GLCCI1: variants seen among roughly 807,000 people sequenced by gnomAD.
GLCCI1 encodes the protein glucocorticoid induced 1.
In GLCCI1, 24 loss-of-function variants were observed where a neutral mutation model predicts 52.2. The ratio of observed to expected loss-of-function variants is 0.46; its 90% CI spans 0.33 to 0.65. The LOEUF is 0.65. GLCCI1 is among the 30% of genes least tolerant of loss of function. The probability of loss-of-function intolerance (pLI) is 0.02; values close to 1 mark genes in which losing one functional copy is unlikely to be tolerated. For missense variants in GLCCI1, 704 were observed against 701.5 expected (o/e 1.00, Z -0.04); for synonymous variants, 310 against 276.5 (o/e 1.12, Z -1.20).
intron 6 of GLCCI1, among the ~76,000 whole-genome samples, chr7:8,075,388 T>C (rs910463416): frequency 6.6e-6 from 1 of 152,204 alleles, no homozygotes; most frequent in African/African-American, 2.4e-5. Context: ...CTACTGCTCT[T>C]CTCTGTGTGG....
intron 3 of GLCCI1, among the ~76,000 whole-genome samples, chr7:8,033,499 A>G (rs1305662549): frequency 6.6e-6 from 1 of 152,120 alleles, no homozygotes; most frequent in Admixed American, 6.6e-5. Flanking sequence ...TATATGTAAA[A>G]ACTCCTATGG....
In GLCCI1 at chr7:8,086,421, C is replaced by T. The variant is rs990987826; in HGVS notation, c.1527C>T (p.Asp509=). The change falls in exon 8 of 8, where the codon GAC becomes GAT. Residue 509 remains aspartate (D), a synonymous_variant. Coordinates refer to ENST00000223145, the MANE Select transcript of GLCCI1 (RefSeq NM_138426.4). The surrounding 1 kb of genome is among the most constrained non-coding windows in gnomAD (Gnocchi z 4.4). ...TTTCCTTTACGTCTCTTTCTGATGA[C>T]ACCAGCACAGCGGGCTCCATGGAGG... is the stretch of plus-strand genomic sequence containing the variant. ...SRVSFTSLSD[D]TSTAGSMEAS... 17 of 1,614,186 alleles carry T rather than the reference C, an allele frequency of 1.1e-5. No homozygotes were observed. Among genetic ancestry groups the T allele is most frequent in the Middle Eastern group, 1.6e-4 (1 of 6,062 alleles).
At chr7:8,004,892 C>T (rs1554259313) in intron 2 of GLCCI1, among the ~76,000 whole-genome samples, 1 of 152,162 alleles carries the variant, frequency 6.6e-6, no homozygotes, top group Non-Finnish European at 1.5e-5. Flanking sequence ...TGTCCGAAGA[C>T]TGAGGAAAAG....
intron 1 of GLCCI1, among the ~76,000 whole-genome samples, chr7:7,989,356 A>G (rs746616258): frequency 4.6e-5 from 7 of 152,126 alleles, no homozygotes; most frequent in South Asian, 4.1e-4. Context: ...GCATCTGTCA[A>G]TGCAAGAGAC....
At chr7:8,055,307 T>C (rs1207927042) in intron 3 of GLCCI1, 126 bp from the exon 4 acceptor site, 2 of 499,612 alleles carry the variant, frequency 4.0e-6, no homozygotes, top group Non-Finnish European at 7.1e-6. Flanking sequence ...ATCATGGTGG[T>C]GAAATATTGT....
At chr7:8,046,648 C>G (rs1345177631) in intron 3 of GLCCI1, among the ~76,000 whole-genome samples, 1 of 152,170 alleles carries the variant, frequency 6.6e-6, no homozygotes, top group Non-Finnish European at 1.5e-5. Flanking sequence ...AAGCCCCTGT[C>G]TCGAGTTGTC....
chr7:8,058,489 T>C (rs745563480), intron 4 of GLCCI1, among the ~76,000 whole-genome samples: 40 of 152,120 alleles, frequency 2.6e-4, no homozygotes, highest in Admixed American at 5.2e-4. Flanking sequence ...AAATGTAATA[T>C]AAAATTATAG....
intron 1 of GLCCI1, among the ~76,000 whole-genome samples, chr7:7,987,357 A>C (rs1780755809): frequency 6.6e-6 from 1 of 152,202 alleles, no homozygotes; most frequent in African/African-American, 2.4e-5. Context: ...GGTAAAGAGA[A>C]GTGTGGCTTT....
intron 3 of GLCCI1, among the ~76,000 whole-genome samples, chr7:8,029,741 A>G (rs1781703988): frequency 6.6e-6 from 1 of 152,196 alleles, no homozygotes; most frequent in Admixed American, 6.5e-5. Context: ...TACAAAAATC[A>G]GTAGTGTTTC....
intron 5 of GLCCI1, among the ~76,000 whole-genome samples, chr7:8,060,563 T>G (rs1782490930): frequency 6.6e-6 from 1 of 152,246 alleles, no homozygotes; most frequent in African/African-American, 2.4e-5. Context: ...TCTAGATGTT[T>G]CATATCAATG....
intron 1 of GLCCI1, among the ~76,000 whole-genome samples, chr7:7,974,093 G>A (rs998219419): frequency 6.6e-6 from 1 of 152,030 alleles, no homozygotes; most frequent in African/African-American, 2.4e-5. Flanking sequence ...TAAAGAGACA[G>A]GTTTCACATA....
At chr7:8,005,686 T>C (rs1207917210) in intron 2 of GLCCI1, among the ~76,000 whole-genome samples, 1 of 152,198 alleles carries the variant, frequency 6.6e-6, no homozygotes, top group Admixed American at 6.5e-5. Flanking sequence ...GCTGTGACAC[T>C]GCACTAAAAA....
intron 5 of GLCCI1, among the ~76,000 whole-genome samples, chr7:8,063,425 T>A (rs1383046177): frequency 6.6e-6 from 1 of 151,748 alleles, no homozygotes; most frequent in Non-Finnish European, 1.5e-5. Context: ...GGATTACAGG[T>A]GTGAGCCACC....
intron 1 of GLCCI1, among the ~76,000 whole-genome samples, chr7:7,976,295 A>G (rs1383101260): frequency 2.0e-5 from 3 of 151,810 alleles, no homozygotes; most frequent in African/African-American, 7.3e-5. Context: ...CTTGGCCAAC[A>G]TGGTGAAACC....
chr7:8,044,272 A>G (rs1019221252), intron 3 of GLCCI1, among the ~76,000 whole-genome samples: 10 of 152,050 alleles, frequency 6.6e-5, no homozygotes, highest in African/African-American at 2.2e-4. Flanking sequence ...TAAAAGTTAC[A>G]CACCACTAAA....
At chr7:7,976,479 C>CAAAAAAAAAA (rs35255634) in intron 1 of GLCCI1, among the ~76,000 whole-genome samples, 2,255 of 24,486 alleles carry the variant, frequency 0.092, 282 homozygotes, top group Admixed American at 0.12. Context: ...AACTCCATCT[C>CAAAAAAAAAA]AAAAAAAAAA....
intron 1 of GLCCI1, among the ~76,000 whole-genome samples, chr7:7,993,990 T>C (rs897920402): frequency 3.9e-5 from 6 of 152,318 alleles, no homozygotes; most frequent in African/African-American, 1.4e-4. Context: ...CCATCTGTAT[T>C]GTCCTTGAAT....
chr7:8,044,935 T>TAAC (rs1335254705), intron 3 of GLCCI1, among the ~76,000 whole-genome samples: 11 of 152,194 alleles, frequency 7.2e-5, no homozygotes, highest in Non-Finnish European at 4.4e-5. Context: ...AGTCCTCACT[T>TAAC]AATGTTGTCA....
intron 2 of GLCCI1, among the ~76,000 whole-genome samples, chr7:8,018,601 A>G (rs1412289714): frequency 6.6e-6 from 1 of 152,178 alleles, no homozygotes; most frequent in East Asian, 1.9e-4. Flanking sequence ...GAGGTTGGAA[A>G]GAAATTTCAT....
Sources: allele counts gnomAD v4.1 joint callset (sites outside exome capture counted in the v4.1 genomes callset), GRCh38; gene constraint gnomAD v4.1.1; non-coding constraint Gnocchi (gnomAD v3.1); transcripts MANE v1.5; gene names NCBI Gene and HGNC (gene_info 2026-07-23, HGNC 2026-07-21).